Variants in QNG1 observed in about 807,000 individuals in gnomAD.
QNG1 encodes Q-nucleotide N-glycosylase 1, also known as queuosine 5'-phosphate N-glycosylase/hydrolase.
At chr9:83,956,143 G>A in the QNG1 span, 8 of 1,604,548 alleles carry the variant, frequency 5.0e-6, no homozygotes, top group Admixed American at 1.3e-4. Flanking sequence ...CGTTAGGTCC[G>A]ATGGCAAGTA....
At chr9:83,939,327 C>G in the QNG1 span, 1 of 555,322 alleles carries the variant, frequency 1.8e-6, no homozygotes, top group Non-Finnish European at 3.2e-6. Flanking sequence ...CCGCCTCAGC[C>G]TCCCACAGTG....
At chr9:83,943,639 T>C in the QNG1 span, among the ~76,000 whole-genome samples, 10 of 152,278 alleles carry the variant, frequency 6.6e-5, no homozygotes, top group Admixed American at 6.5e-4. Context: ...GGAATAATGG[T>C]ACCTTTATAT....
the QNG1 span, among the ~76,000 whole-genome samples, chr9:83,940,434 A>G: frequency 4.3e-3 from 658 of 152,174 alleles, 8 homozygotes; most frequent in Non-Finnish European, 6.5e-3. Context: ...AGTCTAGGCA[A>G]CAGAACCAAC....
chr9:83,946,300 G>C, the QNG1 span, among the ~76,000 whole-genome samples: 1 of 151,822 alleles, frequency 6.6e-6, no homozygotes, highest in African/African-American at 2.4e-5. Flanking sequence ...GCAAGGCTCT[G>C]TCAAAAATAA....
the QNG1 span, among the ~76,000 whole-genome samples, chr9:83,948,202 G>A: frequency 2.0e-5 from 3 of 151,098 alleles, no homozygotes; most frequent in East Asian, 2.0e-4. Context: ...CTGCCCGACC[G>A]CCACCCCGTC....
At chr9:83,947,020 G>A in the QNG1 span, among the ~76,000 whole-genome samples, 2 of 152,060 alleles carry the variant, frequency 1.3e-5, no homozygotes, top group East Asian at 3.9e-4. Flanking sequence ...GCAGTGAGCT[G>A]TGATCACATC....
At chr9:83,952,248 T>G in the QNG1 span, among the ~76,000 whole-genome samples, 9 of 152,348 alleles carry the variant, frequency 5.9e-5, no homozygotes, top group South Asian at 1.9e-3. Flanking sequence ...CCACCCAATG[T>G]GTTGGGATTA....
At chr9:83,947,541 C>T in the QNG1 span, among the ~76,000 whole-genome samples, 1 of 152,250 alleles carries the variant, frequency 6.6e-6, no homozygotes, top group African/African-American at 2.4e-5. Flanking sequence ...CTCCCACTTT[C>T]CAGGGTCTCC....
chr9:83,956,038 A>C, the QNG1 span: 5 of 887,656 alleles, frequency 5.6e-6, no homozygotes, highest in Admixed American at 9.4e-5. Flanking sequence ...AAGGACTTGC[A>C]ACGAACTTCA....
the QNG1 span, chr9:83,939,479 G>A: frequency 1.4e-6 from 2 of 1,415,748 alleles, no homozygotes; most frequent in Non-Finnish European, 2.0e-6. Flanking sequence ...TAAAACGCAG[G>A]GGGTTTTCTT....
the QNG1 span, chr9:83,956,643 A>T: frequency 1.6e-6 from 1 of 628,446 alleles, no homozygotes; most frequent in Non-Finnish European, 2.6e-6. Context: ...CCGAGAACTT[A>T]GTGCAGCCAA....
the QNG1 span, chr9:83,953,606 A>T: frequency 2.0e-6 from 1 of 509,590 alleles, no homozygotes; most frequent in Non-Finnish European, 3.6e-6. Context: ...TTGGCCCCCC[A>T]AAGTGCTGGG....
At chr9:83,954,679 A>G in the QNG1 span, among the ~76,000 whole-genome samples, 1 of 152,038 alleles carries the variant, frequency 6.6e-6, no homozygotes, top group East Asian at 1.9e-4. Context: ...CAGGAATTCA[A>G]GACCAGCCTG....
chr9:83,941,635 G>C, the QNG1 span, among the ~76,000 whole-genome samples: 2 of 152,096 alleles, frequency 1.3e-5, no homozygotes, highest in Non-Finnish European at 2.9e-5. Flanking sequence ...GATACAGGTC[G>C]GGTGCAGTGG....
At chr9:83,939,667 C>T in the QNG1 span, 1 of 1,614,104 alleles carries the variant, frequency 6.2e-7, no homozygotes, top group Non-Finnish European at 8.5e-7. Context: ...GAAGACAATC[C>T]CGGATCAGCT....
the QNG1 span, chr9:83,955,585 C>T: frequency 6.2e-7 from 1 of 1,614,152 alleles, no homozygotes; most frequent in Non-Finnish European, 8.5e-7. Context: ...GAAGTATATT[C>T]CGAACCTGAT....
At chr9:83,950,591 CTTTTCTT>C in the QNG1 span, among the ~76,000 whole-genome samples, 655 of 129,040 alleles carry the variant, frequency 5.1e-3, 3 homozygotes, top group African/African-American at 0.019. Flanking sequence ...TTTTTCTTTT[CTTTTCTT>C]TTTTTTTTTT....
the QNG1 span, chr9:83,944,704 T>C: frequency 1.0e-6 from 1 of 1,004,562 alleles, no homozygotes. Context: ...TAGTACTTTT[T>C]TTTTAAAGCA....
chr9:83,955,441 C>T, the QNG1 span: 1 of 1,614,212 alleles, frequency 6.2e-7, no homozygotes, highest in South Asian at 1.1e-5. Context: ...GCATTAACTT[C>T]TGCGCACTAT....
Sources: gnomAD v4.1 joint callset for allele counts (sites outside exome capture counted in the v4.1 genomes callset) on GRCh38, gnomAD v4.1.1 for gene constraint, MANE v1.5 for transcripts, NCBI Gene and HGNC (gene_info 2026-07-23, HGNC 2026-07-21) for gene names.